The following FAM135A variants were observed in gnomAD, a reference collection of about 807,000 sequenced individuals.
The protein encoded by FAM135A is family with sequence similarity 135 member A, also known as protein FAM135A.
Under a neutral mutation model 146.8 loss-of-function variants are expected in FAM135A, and 79 were observed. That is an observed-to-expected ratio of 0.54 (90% CI 0.45 to 0.65). FAM135A has a LOEUF of 0.65. Ranked by LOEUF, FAM135A falls within the 30% of genes least tolerant of loss-of-function variation. FAM135A has a pLI of 0.00. For synonymous variants in FAM135A, 562 were observed against 603.6 expected (o/e 0.93, Z 1.01); for missense variants, 1,623 against 1,758.2 (o/e 0.92, Z 1.38).
At chr6:70,540,482 G>A (rs1056509136) in intron 20 of FAM135A, among the ~76,000 whole-genome samples, 5 of 151,668 alleles carry the variant, frequency 3.3e-5, no homozygotes, top group Admixed American at 6.6e-5. Flanking sequence ...CCGCCACCAC[G>A]CCCAGCTAAT....
chr6:70,536,434 A>G, intron 19 of FAM135A, 23 bp downstream of exon 19: 1 of 1,548,180 alleles, frequency 6.5e-7, no homozygotes, highest in South Asian at 1.3e-5. Flanking sequence ...ATTGTTCTGT[A>G]TTAAAAATAT....
At chr6:70,462,172 A>G (rs1293352586) in intron 5 of FAM135A, among the ~76,000 whole-genome samples, 1 of 152,216 alleles carries the variant, frequency 6.6e-6, no homozygotes, top group Non-Finnish European at 1.5e-5. Context: ...AACTTTTTTT[A>G]TAGCTCCTTT....
At chr6:70,425,050 C>G (rs1026496965) in intron 2 of FAM135A, among the ~76,000 whole-genome samples, 1 of 149,830 alleles carries the variant, frequency 6.7e-6, no homozygotes, top group African/African-American at 2.4e-5. Flanking sequence ...AATCCCAAAC[C>G]TATATTTTAA....
At chr6:70,492,563 A>T (rs2128221779) in intron 11 of FAM135A, among the ~76,000 whole-genome samples, 1 of 151,874 alleles carries the variant, frequency 6.6e-6, no homozygotes, top group African/African-American at 2.4e-5. Flanking sequence ...GATAGACTGG[A>T]AGAGAATATT....
chr6:70,496,574 C>CTT lies in FAM135A; in HGVS notation c.873+5491_873+5492insTT, dbSNP rs1787329382. Reference sequence around the variant, plus strand: ...TGGTGTTTTAGTCATGAAGTCTTTGCCCATCATGCCCGTGTCCTGAATGGC... The same window carrying CTT: ...TGGTGTTTTAGTCATGAAGTCTTTGCTTCCATCATGCCCGTGTCCTGAATGGC... On this transcript the variant is annotated intron_variant, in intron 11 of 21. Transcript: ENST00000418814. Among the ~76,000 whole-genome samples the CTT allele has an allele frequency of 6.6e-5, 10 of 152,122 alleles. 1 individual carries two copies. Among genetic ancestry groups the CTT allele is most frequent in the Non-Finnish European group, 1.3e-4 (9 of 68,020 alleles).
intron 11 of FAM135A, among the ~76,000 whole-genome samples, chr6:70,496,289 G>A (rs927928906): frequency 2.6e-5 from 4 of 151,980 alleles, no homozygotes; most frequent in Non-Finnish European, 5.9e-5. Context: ...ATGTTTGTTG[G>A]CCACATAAAT....
intron 12 of FAM135A, among the ~76,000 whole-genome samples, chr6:70,512,650 A>C (rs1354022384): frequency 6.6e-6 from 1 of 151,682 alleles, no homozygotes; most frequent in Non-Finnish European, 1.5e-5. Flanking sequence ...TAAAATGTTA[A>C]ATTAGGTTGC....
chr6:70,503,339 A>T (rs11754793), intron 12 of FAM135A: 3,082 of 152,288 alleles, frequency 0.02, 57 homozygotes, highest in Non-Finnish European at 0.029. Context: ...TTAAATAACT[A>T]TCTTTCCATC....
At chr6:70,531,636 T>C (rs549684466) in intron 16 of FAM135A, among the ~76,000 whole-genome samples, 1 of 152,258 alleles carries the variant, frequency 6.6e-6, no homozygotes, top group African/African-American at 2.4e-5. Flanking sequence ...CAAAATGAAG[T>C]TTTTCCTCAC....
chr6:70,430,039 GAGAT>G (rs1033256543), intron 4 of FAM135A, among the ~76,000 whole-genome samples: 9 of 152,096 alleles, frequency 5.9e-5, no homozygotes, highest in African/African-American at 2.2e-4. Context: ...ACAAGAGTCT[GAGAT>G]AGAGAGCAGA....
intron 20 of FAM135A, among the ~76,000 whole-genome samples, chr6:70,554,762 G>A (rs368145795): frequency 6.6e-6 from 1 of 152,014 alleles, no homozygotes; most frequent in Non-Finnish European, 1.5e-5. Context: ...TGAGTAGTTA[G>A]GATTATAGGT....
chr6:70,473,712 T>TG lies in FAM135A; in HGVS notation c.158-1698_158-1697insG, dbSNP rs1267244574. On this transcript the variant is annotated intron_variant, in intron 5 of 21. Transcript: ENST00000418814. ...TCACTCCCTTATGTGGACCTCCTCC[T>TG]TACCCCACTTGACCTCAGTAAGGCC... Among the ~76,000 whole-genome samples, 14 of 152,272 alleles carry TG rather than the reference T, an allele frequency of 9.2e-5. No individual in the cohort carries two copies. The South Asian group carries it at 2.1e-3, about 23-fold the overall frequency.
At chr6:70,442,555 T>C (rs1774808039) in intron 4 of FAM135A, among the ~76,000 whole-genome samples, 1 of 152,150 alleles carries the variant, frequency 6.6e-6, no homozygotes, top group African/African-American at 2.4e-5. Context: ...GTATATCCTT[T>C]TTTTCTTTTG....
chr6:70,541,662 A>G (rs1797945730), intron 20 of FAM135A, among the ~76,000 whole-genome samples: 1 of 152,054 alleles, frequency 6.6e-6, no homozygotes, highest in South Asian at 2.1e-4. Context: ...TCAAATATTA[A>G]TATATATCTC....
rs146071098 is a variant in FAM135A, at chr6:70,438,800, G to C, written c.77+10381G>C. Among the ~76,000 whole-genome samples, 545 of 152,300 alleles carry C rather than the reference G, an allele frequency of 3.6e-3. 3 individuals carry two copies. The highest frequency in any genetic ancestry group is 6.2e-3 in the Non-Finnish European group (425 of 68,018). ...TTGTGAAGAAGGAAAAAAAATTCAT[G>C]CTAGTTTTGCTGCTACACCTCAAAC... is the stretch of plus-strand genomic sequence containing the variant. On this transcript the variant is annotated intron_variant, in intron 4 of 21. Coordinates refer to ENST00000418814, the MANE Select transcript of FAM135A (RefSeq NM_001162529.3).
chr6:70,557,157 C>T (rs878902210), intron 21 of FAM135A: 7 of 492,572 alleles, frequency 1.4e-5, no homozygotes, highest in African/African-American at 1.9e-5. Context: ...TGTAGTCATC[C>T]TTGTCATATG....
intron 7 of FAM135A, 85 bp from the exon 8 acceptor site, chr6:70,477,074 T>C: frequency 7.6e-7 from 1 of 1,317,238 alleles, no homozygotes; most frequent in Non-Finnish European, 1.0e-6. Flanking sequence ...ATTAAGTAAA[T>C]AGTTTTTATA....
At chr6:70,496,278 T>TGGTCAC (rs1787228785) in intron 11 of FAM135A, among the ~76,000 whole-genome samples, 1 of 152,166 alleles carries the variant, frequency 6.6e-6, no homozygotes. Flanking sequence ...CTTTTTTTCA[T>TGGTCAC]ATGTTTGTTG....
intron 7 of FAM135A, among the ~76,000 whole-genome samples, chr6:70,476,522 CAGAATT>C (rs1782659994): frequency 6.6e-6 from 1 of 151,188 alleles, no homozygotes; most frequent in Non-Finnish European, 1.5e-5. Context: ...TTCACCAAGT[CAGAATT>C]ATTTAAGTGG....
Sources: allele counts gnomAD v4.1 joint callset (sites outside exome capture counted in the v4.1 genomes callset), GRCh38; gene constraint gnomAD v4.1.1; transcripts MANE v1.5; gene names NCBI Gene and HGNC (gene_info 2026-07-23, HGNC 2026-07-21).